The following CLSTN2 variants were observed in gnomAD, a reference collection of about 807,000 sequenced individuals.
CLSTN2 encodes calsyntenin 2.
In CLSTN2, 48 loss-of-function variants were observed where a neutral mutation model predicts 101.2. That is an observed-to-expected ratio of 0.47 (90% CI 0.38 to 0.60). The LOEUF is 0.60. CLSTN2 is among the 20% of genes least tolerant of loss of function. CLSTN2 has a pLI of 0.00. For synonymous variants in CLSTN2, 481 were observed against 463.6 expected (o/e 1.04, Z -0.48); for missense variants, 1,160 against 1,238.2 (o/e 0.94, Z 0.95).
intron 2 of CLSTN2, among the ~76,000 whole-genome samples, chr3:140,258,199 G>A (rs577691552): frequency 1.3e-5 from 2 of 152,140 alleles, no homozygotes; most frequent in African/African-American, 4.8e-5. Context: ...CTTTAGTAAA[G>A]TTATTTAAAC....
At chr3:140,147,183 C>T (rs539819183) in intron 1 of CLSTN2, among the ~76,000 whole-genome samples, 2 of 152,306 alleles carry the variant, frequency 1.3e-5, no homozygotes, top group South Asian at 2.1e-4. Flanking sequence ...GTACAGAACC[C>T]AGTGGGTCCT....
At chr3:140,142,428 G>T (rs534608270) in intron 1 of CLSTN2, among the ~76,000 whole-genome samples, 3 of 152,144 alleles carry the variant, frequency 2.0e-5, no homozygotes, top group Non-Finnish European at 2.9e-5. Flanking sequence ...AGAAGGCTTC[G>T]CACCACAGCT....
chr3:140,324,374 A>C (rs781489553), intron 2 of CLSTN2, among the ~76,000 whole-genome samples: 6 of 152,238 alleles, frequency 3.9e-5, no homozygotes, highest in Non-Finnish European at 8.8e-5. Context: ...TTTTTAAGTG[A>C]CATGTAAAAA....
At chr3:140,411,472 G>A (rs552397334) in intron 4 of CLSTN2, among the ~76,000 whole-genome samples, 70 of 152,264 alleles carry the variant, frequency 4.6e-4, no homozygotes, top group African/African-American at 1.5e-3. Flanking sequence ...AACAATACAA[G>A]AATAGTAAGA....
intron 8 of CLSTN2, among the ~76,000 whole-genome samples, chr3:140,479,439 G>A (rs773109323): frequency 6.6e-5 from 10 of 152,166 alleles, no homozygotes; most frequent in Admixed American, 1.3e-4. Context: ...TATCCAGTGT[G>A]CAATAAAAAT....
chr3:140,242,643 C>A (rs2086480179), intron 2 of CLSTN2, among the ~76,000 whole-genome samples: 1 of 152,190 alleles, frequency 6.6e-6, no homozygotes, highest in Non-Finnish European at 1.5e-5. Context: ...CAGCCATCAC[C>A]TTCTCCTGCG....
chr3:140,171,755 T>C (rs1250648509), intron 1 of CLSTN2, among the ~76,000 whole-genome samples: 2 of 84,350 alleles, frequency 2.4e-5, no homozygotes, highest in Non-Finnish European at 4.8e-5. Context: ...ATAATATGTA[T>C]AATATATAAT....
chr3:140,365,542 G>A (rs2087777777), intron 2 of CLSTN2, among the ~76,000 whole-genome samples: 1 of 152,156 alleles, frequency 6.6e-6, no homozygotes, highest in African/African-American at 2.4e-5. Context: ...TTCCTCCCAT[G>A]TCCTTCCCAC....
At chr3:140,180,270 A>C (rs1260328520) in intron 2 of CLSTN2, among the ~76,000 whole-genome samples, 1 of 152,158 alleles carries the variant, frequency 6.6e-6, no homozygotes, top group African/African-American at 2.4e-5. Context: ...CTGGGGTTGA[A>C]TCTAGAGCCA....
chr3:139,957,819 G>A (rs555855742), intron 1 of CLSTN2, among the ~76,000 whole-genome samples: 16 of 152,132 alleles, frequency 1.1e-4, no homozygotes, highest in Non-Finnish European at 2.1e-4. Flanking sequence ...CTCTTGGAAG[G>A]CCTGGGCAGA....
chr3:140,368,906 C>T (rs750811431), intron 2 of CLSTN2, among the ~76,000 whole-genome samples: 4 of 152,162 alleles, frequency 2.6e-5, no homozygotes, highest in African/African-American at 4.8e-5. Flanking sequence ...GATTTTCTTA[C>T]GGTGTTCTGG....
At chr3:140,169,838 G>A (rs895899694) in intron 1 of CLSTN2, among the ~76,000 whole-genome samples, 6 of 152,106 alleles carry the variant, frequency 3.9e-5, no homozygotes, top group Non-Finnish European at 8.8e-5. Flanking sequence ...CATGAGATGG[G>A]GTAGGGGGAG....
intron 1 of CLSTN2, among the ~76,000 whole-genome samples, chr3:140,116,279 C>T (rs58645386): frequency 0.054 from 8,260 of 152,032 alleles, 278 homozygotes; most frequent in East Asian, 0.097. Context: ...ATTTCAACCA[C>T]AAATGGAAAA....
rs562401744 is a variant in CLSTN2, at chr3:139,975,539, G to T, written c.109+40056G>T. On this transcript the variant is annotated intron_variant, in intron 1 of 16. Coordinates refer to ENST00000458420, the MANE Select transcript of CLSTN2 (RefSeq NM_022131.3). ...AATCAGGACCGAGAGGCTGATGGAG[G>T]CATCACAAAATAGCATTCAGGAGCT... Among the ~76,000 whole-genome samples the T allele has an allele frequency of 4.6e-5, 7 of 152,298 alleles. No homozygotes were observed. In the South Asian group the frequency reaches 1.5e-3, roughly 32 times the overall value.
intron 2 of CLSTN2, among the ~76,000 whole-genome samples, chr3:140,286,676 A>T (rs774666382): frequency 1.1e-4 from 16 of 152,142 alleles, no homozygotes; most frequent in Admixed American, 6.5e-4. Context: ...CTCAGCTCAG[A>T]GTGTGGTGGG....
At chr3:140,288,279 G>C (rs759907220) in intron 2 of CLSTN2, among the ~76,000 whole-genome samples, 56 of 152,116 alleles carry the variant, frequency 3.7e-4, no homozygotes, top group Non-Finnish European at 6.3e-4. Context: ...AAAAGTGGAA[G>C]GAAAGAAGAA....
rs1933507007 is a variant in CLSTN2 at position 140,459,592 on chromosome 3, G to T, written c.1045G>T (p.Val349Leu). 6.2e-7 allele frequency: 1 copy of T among 1,613,938 alleles called. No homozygotes were observed. The change falls in exon 7 of 17, where the codon GTG becomes TTG. Residue 349 changes from valine (V) to leucine (L), a missense_variant. By Grantham distance (32) the Val-to-Leu change is conservative. Transcript: ENST00000458420. ...CACCAACTGGACTGCAGGACTGCTG[G>T]TGGACAGCAGTGAGATGATCTTCAA... ...AATNWTAGLL[V>L]DSSEMIFKFD... is the part of the protein sequence containing the mutation.
chr3:140,357,651 C>T (rs890701573), intron 2 of CLSTN2, among the ~76,000 whole-genome samples: 1 of 152,038 alleles, frequency 6.6e-6, no homozygotes, highest in African/African-American at 2.4e-5. Context: ...AAAGAGGCCG[C>T]CAGGAAAGAG....
rs1032242719 is a variant in CLSTN2, at chr3:140,573,970, G to T, written c.*7717G>T. ...AGGACCTTGGAAAACGTGGCCATGTGAGACTAGTATAGATCTCCAACTATT... is the reference window on the plus strand; with the variant it reads ...AGGACCTTGGAAAACGTGGCCATGTTAGACTAGTATAGATCTCCAACTATT... On this transcript the variant is annotated 3_prime_UTR_variant, in exon 17 of 17. Transcript: ENST00000458420. The T allele has an allele frequency of 6.6e-6, 1 of 152,216 alleles. No individual in the cohort carries two copies. The highest frequency in any genetic ancestry group is 2.4e-5 in the African/African-American group (1 of 41,440). 9.4% of individuals were successfully genotyped at this position (152,216 alleles called of 1,614,324 possible).
Sources: gnomAD v4.1 joint callset for allele counts (sites outside exome capture counted in the v4.1 genomes callset) on GRCh38, gnomAD v4.1.1 for gene constraint, MANE v1.5 for transcripts, NCBI Gene and HGNC (gene_info 2026-07-23, HGNC 2026-07-21) for gene names.